MIX23: variants seen among roughly 807,000 people sequenced by gnomAD.
The protein encoded by MIX23 is protein MIX23.
Under a neutral mutation model 21.6 loss-of-function variants are expected in MIX23, and 13 were observed. The observed-to-expected ratio is 0.60, with a 90% CI of 0.39 to 0.96. The LOEUF (loss-of-function observed/expected upper bound fraction) is 0.96. Ranked by LOEUF, MIX23 falls within the 40% of genes least tolerant of loss-of-function variation. MIX23 has a pLI of 0.00. For missense variants in MIX23, 144 were observed against 171.2 expected (o/e 0.84, Z 0.89); for synonymous variants, 59 against 58.0 (o/e 1.02, Z -0.08).
Position 122,368,243 on chromosome 3 carries a change from C to T in MIX23, c.257G>A (p.Arg86Gln), listed in dbSNP as rs369774521. The change falls in exon 3 of 5, where the codon CGA becomes CAA. Residue 86 changes from arginine (R) to glutamine (Q), a missense_variant. Coordinates refer to ENST00000291458, the MANE Select transcript of MIX23 (RefSeq NM_001017928.4). Reference protein sequence around the residue: ...AQTSAVVKNLREEREKNLDDL... With the variant: ...AQTSAVVKNLQEEREKNLDDL... ...GTCCAAATTCTTTTCTCTCTCTTCT[C>T]GGAGGTTTTTTACTACTGCTGAAGT... The T allele has an allele frequency of 4.8e-5, 78 of 1,609,702 alleles. No homozygotes were observed. The highest frequency in any genetic ancestry group is 6.6e-5 in the Non-Finnish European group (78 of 1,179,492).
At chr3:122,370,784 A>C (rs1321388422) in intron 2 of MIX23, among the ~76,000 whole-genome samples, 1 of 152,204 alleles carries the variant, frequency 6.6e-6, no homozygotes, top group Non-Finnish European at 1.5e-5. Flanking sequence ...TCGACTCCCA[A>C]TACTGAATTC....
intron 3 of MIX23, among the ~76,000 whole-genome samples, chr3:122,364,751 T>A (rs543634912): frequency 6.6e-6 from 1 of 152,192 alleles, no homozygotes; most frequent in East Asian, 1.9e-4. Context: ...ATGCAACAAA[T>A]ATGGAGTCCC....
chr3:122,380,087 TAA>T (rs2075518704), intron 1 of MIX23, among the ~76,000 whole-genome samples: 1 of 152,266 alleles, frequency 6.6e-6, no homozygotes, highest in Non-Finnish European at 1.5e-5. Flanking sequence ...CATTCTCAGG[TAA>T]AGTTATTTTA....
chr3:122,381,722 A>C (rs796517446), intron 1 of MIX23, among the ~76,000 whole-genome samples: 51 of 112,240 alleles, frequency 4.5e-4, no homozygotes, highest in African/African-American at 1.7e-3. Context: ...TGTCTCAAAA[A>C]AAAAATAAAA....
chr3:122,364,200 C>A (rs72972764), intron 3 of MIX23, among the ~76,000 whole-genome samples: 3,670 of 152,278 alleles, frequency 0.024, 141 homozygotes, highest in African/African-American at 0.085. Context: ...CTTGCAAACT[C>A]CCTTCTTAGA....
intron 1 of MIX23, among the ~76,000 whole-genome samples, chr3:122,375,553 G>A (rs183155872): frequency 1.7e-3 from 253 of 152,322 alleles, no homozygotes; most frequent in African/African-American, 5.6e-3. Flanking sequence ...TGGTAGTAGC[G>A]AACAGATGAA....
At chr3:122,375,578 G>C (rs1292559349) in intron 1 of MIX23, among the ~76,000 whole-genome samples, 1 of 152,222 alleles carries the variant, frequency 6.6e-6, no homozygotes, top group Non-Finnish European at 1.5e-5. Flanking sequence ...GAGTAGCCAT[G>C]AATTAGTTAG....
At position 122,376,393 on chromosome 3, in the gene MIX23, G is replaced by A. The variant is rs192933394; in HGVS notation, c.52-4593C>T. Among the ~76,000 whole-genome samples the A allele has an allele frequency of 1.6e-4, 25 of 152,064 alleles. No homozygotes were observed. In the East Asian group the frequency reaches 4.7e-3, roughly 28 times the overall value. ...AGCACTTTGGGAGGCTGAGGTGGGT[G>A]GATCACCTGAGGTCAGGAGTTCAAG... On this transcript the variant is annotated intron_variant, in intron 1 of 4. Coordinates refer to ENST00000291458, the MANE Select transcript of MIX23 (RefSeq NM_001017928.4).
chr3:122,374,653 T>C (rs936588650), intron 1 of MIX23, among the ~76,000 whole-genome samples: 4 of 152,244 alleles, frequency 2.6e-5, no homozygotes, highest in South Asian at 2.1e-4. Context: ...AACCCATAGA[T>C]ATGGGAGGGC....
chr3:122,374,968 G>A (rs2075472349), intron 1 of MIX23, among the ~76,000 whole-genome samples: 1 of 152,090 alleles, frequency 6.6e-6, no homozygotes, highest in Non-Finnish European at 1.5e-5. Flanking sequence ...TTGAACCAAC[G>A]ATAGGAACAT....
At chr3:122,368,632 C>G (rs1352437871) in intron 2 of MIX23, among the ~76,000 whole-genome samples, 1 of 152,118 alleles carries the variant, frequency 6.6e-6, no homozygotes, top group Non-Finnish European at 1.5e-5. Flanking sequence ...TTTCCTCTGC[C>G]CTACACCACT....
chr3:122,382,433 A>G (rs572921707), intron 1 of MIX23, among the ~76,000 whole-genome samples: 2 of 152,312 alleles, frequency 1.3e-5, no homozygotes, highest in East Asian at 3.9e-4. Context: ...AGATAGGTCA[A>G]TTTTTCAGTA....
rs1187914991 is a variant in MIX23 at position 122,362,893 on chromosome 3, T to C, written c.384+75A>G. 3.5e-6 allele frequency: 4 copies of C among 1,159,268 alleles called. No individual in the cohort carries two copies. In the African/African-American group the frequency reaches 4.7e-5, roughly 14 times the overall value. 71.8% of individuals were successfully genotyped at this position (1,159,268 alleles called of 1,614,324 possible). A position where few individuals can be genotyped will look rare whatever the true frequency, so the allele number is the denominator to read the frequency against. On this transcript the variant is annotated intron_variant, in intron 4 of 4. Coordinates refer to ENST00000291458, the MANE Select transcript of MIX23 (RefSeq NM_001017928.4). ...CTTACAGCCTCAAGGCACTCTTTACTCCCCCTCCCTTGGTTTCCCTTTGCT... is the reference window on the plus strand; with the variant it reads ...CTTACAGCCTCAAGGCACTCTTTACCCCCCCTCCCTTGGTTTCCCTTTGCT...
intron 1 of MIX23, among the ~76,000 whole-genome samples, chr3:122,373,907 T>A (rs865826019): frequency 2.0e-4 from 30 of 152,214 alleles, no homozygotes; most frequent in Non-Finnish European, 3.7e-4. Context: ...GTATTCTCTG[T>A]AAACTGGAAT....
intron 3 of MIX23, 177 bp downstream of exon 3, chr3:122,367,999 C>T: frequency 1.7e-6 from 1 of 596,030 alleles, no homozygotes; most frequent in Non-Finnish European, 2.9e-6. Context: ...CATTAATTTA[C>T]CAATTAATAA....
At chr3:122,372,764 A>C (rs1576236151) in intron 1 of MIX23, among the ~76,000 whole-genome samples, 1 of 152,236 alleles carries the variant, frequency 6.6e-6, no homozygotes, top group East Asian at 1.9e-4. Flanking sequence ...CCAGGAGTAC[A>C]AGGCTGCAGT....
intron 1 of MIX23, among the ~76,000 whole-genome samples, chr3:122,378,126 G>T (rs1276303512): frequency 6.6e-6 from 1 of 152,196 alleles, no homozygotes; most frequent in African/African-American, 2.4e-5. Flanking sequence ...GTTCTAAAAT[G>T]ACTGCTTAGA....
At chr3:122,368,559 T>G (rs1012085483) in intron 2 of MIX23, among the ~76,000 whole-genome samples, 7 of 152,180 alleles carry the variant, frequency 4.6e-5, no homozygotes, top group African/African-American at 1.4e-4. Context: ...TTCCTCAATA[T>G]GCTCCTGGTA....
intron 1 of MIX23, 33 bp downstream of exon 1, chr3:122,383,141 C>T: frequency 6.2e-7 from 1 of 1,613,524 alleles, no homozygotes; most frequent in Non-Finnish European, 8.5e-7. Context: ...CAAAAGGAGG[C>T]ACATGCCTGC....
Sources: gnomAD v4.1 joint callset for allele counts (sites outside exome capture counted in the v4.1 genomes callset) on GRCh38, gnomAD v4.1.1 for gene constraint, MANE v1.5 for transcripts, NCBI Gene and HGNC (gene_info 2026-07-23, HGNC 2026-07-21) for gene names.